NIPBL: variants seen among roughly 807,000 people sequenced by gnomAD.
NIPBL encodes NIPBL cohesin loading factor.
In NIPBL, 19 loss-of-function variants were observed where a neutral mutation model predicts 321.8. The ratio of observed to expected loss-of-function variants is 0.06; its 90% CI spans 0.04 to 0.09. The LOEUF (loss-of-function observed/expected upper bound fraction) is 0.09. NIPBL is among the 10% of genes least tolerant of loss of function. The pLI is 1.00. For missense variants in NIPBL, 2,210 were observed against 3,327.0 expected (o/e 0.66, Z 8.26); for synonymous variants, 1,106 against 1,114.1 (o/e 0.99, Z 0.14).
intron 45 of NIPBL, among the ~76,000 whole-genome samples, chr5:37,061,444 A>G (rs1754663530): frequency 1.3e-5 from 2 of 152,158 alleles, no homozygotes; most frequent in Admixed American, 1.3e-4. Context: ...TTGGGAGGCC[A>G]TGGCAGGTGG....
intron 44 of NIPBL, among the ~76,000 whole-genome samples, chr5:37,060,488 A>T (rs140789306): frequency 4.6e-4 from 70 of 152,340 alleles, no homozygotes; most frequent in African/African-American, 1.6e-3. Flanking sequence ...TTGATGTTAA[A>T]TGTTGGCAAG....
intron 32 of NIPBL, among the ~76,000 whole-genome samples, chr5:37,032,164 G>A (rs562666666): frequency 6.6e-6 from 1 of 152,316 alleles, no homozygotes; most frequent in East Asian, 1.9e-4. Flanking sequence ...GTTGACGATT[G>A]AGAACAACTG....
At chr5:36,901,741 T>A (rs1253139222) in intron 1 of NIPBL, among the ~76,000 whole-genome samples, 1 of 152,086 alleles carries the variant, frequency 6.6e-6, no homozygotes, top group African/African-American at 2.4e-5. Context: ...ACTCCTGACC[T>A]CAAGTGATCC....
chr5:36,993,518 G>T (rs78892634), intron 10 of NIPBL, among the ~76,000 whole-genome samples: 1 of 152,124 alleles, frequency 6.6e-6, no homozygotes, highest in South Asian at 2.1e-4. Flanking sequence ...ATAATCCATT[G>T]CAGAGAGAGC....
At chr5:37,055,146 C>T (rs989498102) in intron 42 of NIPBL, among the ~76,000 whole-genome samples, 2 of 151,876 alleles carry the variant, frequency 1.3e-5, no homozygotes, top group Non-Finnish European at 2.9e-5. Context: ...GTCAGGAGTT[C>T]GAGAACAGCC....
At chr5:36,969,799 A>T (rs1202724309) in intron 6 of NIPBL, among the ~76,000 whole-genome samples, 3 of 152,220 alleles carry the variant, frequency 2.0e-5, no homozygotes, top group Non-Finnish European at 4.4e-5. Context: ...AATGATAAAA[A>T]TTATTGGCAA....
chr5:36,999,676 A>G (rs552657072), intron 11 of NIPBL, among the ~76,000 whole-genome samples: 1 of 152,280 alleles, frequency 6.6e-6, no homozygotes. Context: ...TGATGGGGAA[A>G]AGATTGAAGG....
intron 1 of NIPBL, among the ~76,000 whole-genome samples, chr5:36,884,650 C>T (rs974094439): frequency 2.0e-5 from 3 of 152,188 alleles, no homozygotes; most frequent in Non-Finnish European, 2.9e-5. Context: ...TCTATAACAT[C>T]ATCACAGTGC....
At chr5:36,952,496 T>C (rs1238026493) in intron 1 of NIPBL, among the ~76,000 whole-genome samples, 1 of 152,152 alleles carries the variant, frequency 6.6e-6, no homozygotes, top group Admixed American at 6.5e-5. Flanking sequence ...AAATATTATC[T>C]ACTTACAAAA....
intron 9 of NIPBL, among the ~76,000 whole-genome samples, chr5:36,979,824 A>C (rs564522032): frequency 6.6e-6 from 1 of 151,924 alleles, no homozygotes; most frequent in South Asian, 2.1e-4. Flanking sequence ...AAAATTCCTG[A>C]ATCTTAGGAT....
At chr5:36,895,020 A>G (rs1345933451) in intron 1 of NIPBL, among the ~76,000 whole-genome samples, 1 of 152,142 alleles carries the variant, frequency 6.6e-6, no homozygotes, top group Non-Finnish European at 1.5e-5. Flanking sequence ...TAAACTGTAA[A>G]ATTCACCCTT....
At position 37,016,113 on chromosome 5, in the gene NIPBL, C is replaced by G. The variant is rs1010277247; in HGVS notation, c.4719C>G (p.Val1573=). 2 of 1,613,822 alleles carry G rather than the reference C, an allele frequency of 1.2e-6. No homozygotes were observed. The highest frequency in any genetic ancestry group is 1.3e-5 in the African/African-American group (1 of 75,018). The part of the protein sequence containing the change: ...ENFVQDLLST[V]NKPEWPAAEL... Reference sequence around the variant, plus strand: ...TTGTTCAAGACCTTCTTTCAACAGTCAATAAGCCTGAATGGCCAGCTGCTG... The same window carrying G: ...TTGTTCAAGACCTTCTTTCAACAGTGAATAAGCCTGAATGGCCAGCTGCTG... The change falls in exon 23 of 47, where the codon GTC becomes GTG. Residue 1573 remains valine, a synonymous_variant. Coordinates refer to ENST00000282516, the MANE Select transcript of NIPBL (RefSeq NM_133433.4).
At chr5:36,887,080 AT>A (rs1745965648) in intron 1 of NIPBL, among the ~76,000 whole-genome samples, 1 of 152,060 alleles carries the variant, frequency 6.6e-6, no homozygotes, top group Non-Finnish European at 1.5e-5. Context: ...TTACTTGCTC[AT>A]TTTTACCCCT....
At position 37,060,877 on chromosome 5, in the gene NIPBL, A is replaced by C. The variant is rs774117227; in HGVS notation, c.7719A>C (p.Ala2573=). 4 of 1,613,870 alleles carry C rather than the reference A, an allele frequency of 2.5e-6. No homozygotes were observed. In the South Asian group the frequency reaches 4.4e-5, roughly 18 times the overall value. The stretch of plus-strand genomic sequence containing the variant: ...AGAAGTACTCTCCATCTGAATCTGC[A>C]AAAGTATATGATAAAGCGATAAACC... ...KIQKYSPSES[A]KVYDKAINRK... Residue 2573 remains alanine, a synonymous_variant, in exon 45 of 47, where the codon GCA becomes GCC. Coordinates refer to ENST00000282516, the MANE Select transcript of NIPBL (RefSeq NM_133433.4).
In NIPBL at chr5:36,997,517, G is replaced by C. The variant is rs189049234; in HGVS notation, c.3304+1713G>C. On this transcript the variant is annotated intron_variant, in intron 11 of 46. Transcript: ENST00000282516. ...AAAGCTATTGTCTCATCTTATGGAG[G>C]CACATAGCTTCGTTATAAAGCCATG... 2.1e-4 allele frequency among the ~76,000 whole-genome samples: 32 copies of C among 152,208 alleles called. No homozygotes were observed. The East Asian group carries it at 6.0e-3, about 28-fold the overall frequency.
chr5:36,942,634 G>GT (rs1739235878), intron 1 of NIPBL, among the ~76,000 whole-genome samples: 1 of 150,918 alleles, frequency 6.6e-6, no homozygotes, highest in Non-Finnish European at 1.5e-5. Context: ...CCAGCTACTT[G>GT]GGGGGCTGAG....
intron 29 of NIPBL, among the ~76,000 whole-genome samples, chr5:37,024,120 G>A (rs1352454476): frequency 1.3e-5 from 2 of 151,362 alleles, no homozygotes; most frequent in Admixed American, 6.6e-5. Flanking sequence ...AGCTGAGATC[G>A]CACCATTGTT....
intron 6 of NIPBL, among the ~76,000 whole-genome samples, chr5:36,962,626 G>A (rs377728448): frequency 2.0e-5 from 3 of 152,284 alleles, no homozygotes; most frequent in African/African-American, 4.8e-5. Flanking sequence ...AATTGGTAAA[G>A]TAGATACAGT....
At chr5:36,915,343 A>G (rs1028585511) in intron 1 of NIPBL, among the ~76,000 whole-genome samples, 2 of 152,160 alleles carry the variant, frequency 1.3e-5, no homozygotes, top group African/African-American at 4.8e-5. Context: ...TAATTTTAGG[A>G]TGTTTATTTT....
Sources: gnomAD v4.1 joint callset for allele counts (sites outside exome capture counted in the v4.1 genomes callset) on GRCh38, gnomAD v4.1.1 for gene constraint, MANE v1.5 for transcripts, NCBI Gene and HGNC (gene_info 2026-07-23, HGNC 2026-07-21) for gene names.